The following ANGPT2 variants were observed in gnomAD, a reference collection of about 807,000 sequenced individuals.
The protein encoded by ANGPT2 is angiopoietin 2.
In ANGPT2, 28 loss-of-function variants were observed where a neutral mutation model predicts 62.9. The observed-to-expected ratio is 0.44, with a 90% CI of 0.33 to 0.61. The LOEUF (loss-of-function observed/expected upper bound fraction) is 0.61, where lower values mean the gene tolerates loss of function less well. Ranked by LOEUF, ANGPT2 falls within the 20% of genes least tolerant of loss-of-function variation. The pLI is 0.03. For synonymous variants in ANGPT2, 284 were observed against 207.8 expected (o/e 1.37, Z -3.15); for missense variants, 727 against 594.9 (o/e 1.22, Z -2.31).
intron 1 of ANGPT2, among the ~76,000 whole-genome samples, chr8:6,557,809 ACAGT>A (rs1370915803): frequency 9.9e-5 from 15 of 152,140 alleles, no homozygotes; most frequent in African/African-American, 3.6e-4. Context: ...TAATTGGAAA[ACAGT>A]CTGTCCGTGT....
intron 7 of ANGPT2, among the ~76,000 whole-genome samples, chr8:6,509,875 T>G (rs994431466): frequency 6.6e-6 from 1 of 152,214 alleles, no homozygotes; most frequent in Non-Finnish European, 1.5e-5. Context: ...TTGTTCACCC[T>G]GGGGATCACA....
chr8:6,556,677 C>A (rs187121693), intron 1 of ANGPT2, among the ~76,000 whole-genome samples: 2 of 152,086 alleles, frequency 1.3e-5, no homozygotes, highest in East Asian at 3.9e-4. Flanking sequence ...GCAATGGCAC[C>A]ATCATAGTTC....
Position 6,502,036 on chromosome 8 carries a change from A to G in ANGPT2, c.*1065T>C, listed in dbSNP as rs1182027450. The G allele has an allele frequency of 6.6e-6, 1 of 151,896 alleles. No individual in the cohort carries two copies. The highest frequency in any genetic ancestry group is 1.5e-5 in the Non-Finnish European group (1 of 67,988). 9.4% of individuals were successfully genotyped at this position (151,896 alleles called of 1,614,324 possible). A position where few individuals can be genotyped will look rare whatever the true frequency, so the allele number is the denominator to read the frequency against. ...GAATCTTGAGACATATAGCTTTGTA[A>G]ATTTCTTAAATAGAAGGCTTTTCTC... On this transcript the variant is annotated 3_prime_UTR_variant, in exon 9 of 9. Transcript: ENST00000629816.
chr8:6,535,479 G>A (rs753781440), intron 1 of ANGPT2, among the ~76,000 whole-genome samples: 2 of 152,158 alleles, frequency 1.3e-5, no homozygotes, highest in Admixed American at 6.5e-5. Context: ...GGATGACTAA[G>A]TATAGGTTCA....
Position 6,548,693 on chromosome 8 carries a change from G to A in ANGPT2, c.288+13954C>T, listed in dbSNP as rs147905192. On this transcript the variant is annotated intron_variant, in intron 1 of 8. Coordinates refer to ENST00000629816, the MANE Select transcript of ANGPT2 (RefSeq NM_001118887.2). ...TTTGAAAAAAGGAAGAAAAGTCCTC[G>A]TGCTCACAGAAGCAAGCTCCCATTG... Among the ~76,000 whole-genome samples, 291 of 152,268 alleles carry A rather than the reference G, an allele frequency of 1.9e-3. 1 individual carries two copies. Among genetic ancestry groups the A allele is most frequent in the Non-Finnish European group, 3.4e-3 (229 of 68,012 alleles).
intron 5 of ANGPT2, among the ~76,000 whole-genome samples, chr8:6,518,703 G>T (rs13439547): frequency 0.048 from 7,292 of 152,106 alleles, 505 homozygotes; most frequent in East Asian, 0.15. Flanking sequence ...TTTCCACTTT[G>T]GTACAGTATC....
At chr8:6,538,470 C>G (rs1820910175) in intron 1 of ANGPT2, among the ~76,000 whole-genome samples, 2 of 152,148 alleles carry the variant, frequency 1.3e-5, no homozygotes, top group African/African-American at 4.8e-5. Flanking sequence ...AGGATAAGGT[C>G]CAGATTCCTT....
In ANGPT2 at chr8:6,513,832, G is replaced by C; in HGVS notation, c.1042C>G (p.Pro348Ala). Residue 348 changes from proline (P) to alanine (A), a missense_variant, in exon 7 of 9, where the codon CCT becomes GCT. Coordinates refer to ENST00000629816, the MANE Select transcript of ANGPT2 (RefSeq NM_001118887.2). ...TTTCCCAGCCAATATTCTCCTGAAGGGTTACCAAATCCCTGTAATGCAAGT... is the reference window on the plus strand; with the variant it reads ...TTTCCCAGCCAATATTCTCCTGAAGCGTTACCAAATCCCTGTAATGCAAGT... The part of the protein sequence containing the change: ...WKEYKVGFGN[P>A]SGEYWLGNEF... The C allele has an allele frequency of 6.2e-7, 1 of 1,605,496 alleles. No homozygotes were observed. The highest frequency in any genetic ancestry group is 1.7e-4 in the Middle Eastern group (1 of 6,028).
intron 8 of ANGPT2, among the ~76,000 whole-genome samples, chr8:6,505,262 T>A (rs1165906503): frequency 0.018 from 421 of 23,306 alleles, 78 homozygotes; most frequent in African/African-American, 0.05. Context: ...TATATATGTT[T>A]TATATATATG....
chr8:6,531,097 CG>C (rs1819419613), intron 2 of ANGPT2, among the ~76,000 whole-genome samples: 1 of 152,096 alleles, frequency 6.6e-6, no homozygotes. Context: ...CGGGCTTGGC[CG>C]CCGAGAGTCA....
intron 2 of ANGPT2, among the ~76,000 whole-genome samples, chr8:6,528,071 A>G (rs1818723029): frequency 6.6e-6 from 1 of 151,592 alleles, no homozygotes; most frequent in Non-Finnish European, 1.5e-5. Flanking sequence ...AATTTTTTAT[A>G]TTTTTGGTAC....
chr8:6,514,712 C>G lies in ANGPT2; in HGVS notation c.994G>C (p.Val332Leu). The G allele has an allele frequency of 6.2e-7, 1 of 1,614,078 alleles. No homozygotes were observed. Among genetic ancestry groups the G allele is most frequent in the African/African-American group, 1.3e-5 (1 of 75,012 alleles). ...TIIQRREDGS[V>L]DFQRTWKEYK... ...TCTTTCCAAGTCCTCTGAAAATCAA[C>G]GCTGCCATCCTCACGTCGCTGAATA... The change falls in exon 6 of 9, where the codon GTT becomes CTT. Residue 332 changes from valine to leucine, a missense_variant. Coordinates refer to ENST00000629816, the MANE Select transcript of ANGPT2 (RefSeq NM_001118887.2).
chr8:6,523,006 T>C (rs73199054), intron 3 of ANGPT2, among the ~76,000 whole-genome samples: 11,392 of 152,074 alleles, frequency 0.075, 507 homozygotes, highest in African/African-American at 0.12. Flanking sequence ...GTTTTTTTTT[T>C]TCTTTTTTTG....
chr8:6,545,656 A>G, intron 1 of ANGPT2, among the ~76,000 whole-genome samples: 1 of 152,246 alleles, frequency 6.6e-6, no homozygotes, highest in South Asian at 2.1e-4. Context: ...CTCTTGGAAG[A>G]CCAAGAAAGA....
chr8:6,544,901 G>A (rs1408140066), intron 1 of ANGPT2, among the ~76,000 whole-genome samples: 1 of 151,878 alleles, frequency 6.6e-6, no homozygotes, highest in African/African-American at 2.4e-5. Flanking sequence ...AGATTCTTTG[G>A]TCAGTAGTCT....
intron 1 of ANGPT2, among the ~76,000 whole-genome samples, chr8:6,549,196 C>A (rs1180060846): frequency 6.6e-6 from 1 of 152,116 alleles, no homozygotes; most frequent in Non-Finnish European, 1.5e-5. Flanking sequence ...GTGTTGACTT[C>A]CATAAAAGAA....
chr8:6,503,512 A>T (rs1357453660), intron 8 of ANGPT2, among the ~76,000 whole-genome samples: 1 of 152,020 alleles, frequency 6.6e-6, no homozygotes, highest in Non-Finnish European at 1.5e-5. Context: ...CTGTGTGGAG[A>T]GGCCTGAATT....
chr8:6,521,548 A>G (rs1817341943), intron 3 of ANGPT2, 138 bp from the exon 4 acceptor site: 1 of 660,744 alleles, frequency 1.5e-6, no homozygotes, highest in African/African-American at 1.8e-5. Flanking sequence ...CCAGAGCCCT[A>G]AGGAATCTCT....
In ANGPT2 at chr8:6,554,258, G is replaced by A. The variant is rs545373382; in HGVS notation, c.288+8389C>T. ...AATGCCCAGGTGGTCTGGACTAAAT[G>A]TGACAAAATTGAGAAATAGACCCTA... On this transcript the variant is annotated intron_variant, in intron 1 of 8. Coordinates refer to ENST00000629816, the MANE Select transcript of ANGPT2 (RefSeq NM_001118887.2). Among the ~76,000 whole-genome samples, 8 of 150,878 alleles carry A rather than the reference G, an allele frequency of 5.3e-5. No homozygotes were observed. In the East Asian group the frequency reaches 7.8e-4, roughly 15 times the overall value.
Sources: gnomAD v4.1 joint callset for allele counts (sites outside exome capture counted in the v4.1 genomes callset) on GRCh38, gnomAD v4.1.1 for gene constraint, MANE v1.5 for transcripts, NCBI Gene and HGNC (gene_info 2026-07-23, HGNC 2026-07-21) for gene names.